The following BCL11A variants were observed in gnomAD, a reference collection of about 807,000 sequenced individuals.
The protein encoded by BCL11A is BCL11 transcription factor A.
In BCL11A, 2 loss-of-function variants were observed where a neutral mutation model predicts 55.9. That is an observed-to-expected ratio of 0.04 (90% CI 0.01 to 0.11). The LOEUF is 0.11. BCL11A is among the 10% of genes least tolerant of loss of function. The pLI, the probability that BCL11A is intolerant of heterozygous loss-of-function variation, is 1.00. For synonymous variants in BCL11A, 465 were observed against 473.4 expected, an observed-to-expected ratio of 0.98 and a Z score of 0.23; for missense variants, 817 against 1,137.1, an observed-to-expected ratio of 0.72 and a Z score of 4.05.
intron 2 of BCL11A, among the ~76,000 whole-genome samples, chr2:60,509,679 G>A (rs191237666): frequency 6.6e-6 from 1 of 152,152 alleles, no homozygotes; most frequent in Non-Finnish European, 1.5e-5. Context: ...AAAAGATTAG[G>A]AGGAGGAGAA....
chr2:60,521,099 A>AC (rs1470013488), intron 2 of BCL11A, among the ~76,000 whole-genome samples: 1 of 76,286 alleles, frequency 1.3e-5, no homozygotes, highest in South Asian at 6.2e-4. Flanking sequence ...ACACACACAC[A>AC]CTCACACACA....
chr2:60,544,000 T>A (rs574784534), intron 2 of BCL11A: 2 of 152,328 alleles, frequency 1.3e-5, no homozygotes, highest in South Asian at 4.1e-4. Flanking sequence ...TTTCCCTACA[T>A]AGATTCACAA....
chr2:60,523,090 A>G (rs1210085140), intron 2 of BCL11A, among the ~76,000 whole-genome samples: 1 of 152,220 alleles, frequency 6.6e-6, no homozygotes, highest in African/African-American at 2.4e-5. Flanking sequence ...CAGGATATAA[A>G]ATAAGTAAGA....
intron 1 of BCL11A, among the ~76,000 whole-genome samples, chr2:60,548,858 TG>T (rs1306009628): frequency 2.0e-5 from 3 of 152,252 alleles, no homozygotes; most frequent in Non-Finnish European, 2.9e-5. Context: ...TCTACTGATT[TG>T]CATTGACATC....
At chr2:60,492,472 T>G (rs968739900) in intron 2 of BCL11A, among the ~76,000 whole-genome samples, 1 of 152,200 alleles carries the variant, frequency 6.6e-6, no homozygotes, top group Admixed American at 6.5e-5. Flanking sequence ...CCTCCCCTTT[T>G]TACTTTTTGA....
chr2:60,546,930 G>A lies in BCL11A; in HGVS notation c.56-630C>T, dbSNP rs138451308. Among the ~76,000 whole-genome samples the A allele has an allele frequency of 1.4e-3, 215 of 152,216 alleles. 1 individual carries two copies. The highest frequency in any genetic ancestry group is 5.0e-3 in the African/African-American group (206 of 41,526). On this transcript the variant is annotated intron_variant, in intron 1 of 3. Coordinates refer to ENST00000642384, the MANE Select transcript of BCL11A (RefSeq NM_022893.4). The surrounding 1 kb of genome is among the most constrained non-coding windows in gnomAD (Gnocchi z 4.1). Reference sequence around the variant, plus strand: ...AAACGACTGCATGCACCTATGAAACGGATCTAAATAATAATCATGTCGCAG... The same window carrying A: ...AAACGACTGCATGCACCTATGAAACAGATCTAAATAATAATCATGTCGCAG...
rs760155455 is a variant in BCL11A, at chr2:60,460,716, C to T, written c.2196G>A (p.Arg732=). 6.2e-7 allele frequency: 1 copy of T among 1,614,178 alleles called. No homozygotes were observed. Among genetic ancestry groups the T allele is most frequent in the East Asian group, 2.2e-5 (1 of 44,880 alleles). ...TPHISGPGPG[R]PSSKEGRRSD... ...TGCGTCTGCCCTCTTTTGAGCTGGG[C>T]CTGCCCGGGCCCGGACCACTAATAT... is the stretch of plus-strand genomic sequence containing the variant. Residue 732 remains arginine, a synonymous_variant, in exon 4 of 4, where the codon AGG becomes AGA. Transcript: ENST00000642384.
chr2:60,505,495 C>A (rs1041946247), intron 2 of BCL11A, among the ~76,000 whole-genome samples: 1 of 152,198 alleles, frequency 6.6e-6, no homozygotes, highest in Non-Finnish European at 1.5e-5. Flanking sequence ...AGGGAACAAG[C>A]GGGTGCTTTC....
At chr2:60,493,346 G>A (rs1027131645) in intron 2 of BCL11A, among the ~76,000 whole-genome samples, 4 of 152,054 alleles carry the variant, frequency 2.6e-5, no homozygotes, top group African/African-American at 7.3e-5. Flanking sequence ...AAGGCATTTC[G>A]AGAACACAGA....
rs200007397 is a variant in BCL11A at position 60,538,737 on chromosome 2, CTCTGTGTGTG to C, written c.385+7224_385+7233del. The stretch of plus-strand genomic sequence containing the variant: ...ACTGAATGTCTCTCTCTCTCTCTCT[CTCTGTGTGTG>C]TGTGTGTGTGTGTGTGTGTGTGTGT... On this transcript the variant is annotated intron_variant, in intron 2 of 3. Coordinates refer to ENST00000642384, the MANE Select transcript of BCL11A (RefSeq NM_022893.4). Among the ~76,000 whole-genome samples the C allele has an allele frequency of 9.1e-3, 1,075 of 118,722 alleles. 7 individuals are homozygous for C. The highest frequency in any genetic ancestry group is 0.014 in the East Asian group (58 of 4,202). 77.9% of individuals were successfully genotyped at this position (118,722 alleles called of 152,430 possible).
chr2:60,512,328 G>A (rs1680030818), intron 2 of BCL11A, among the ~76,000 whole-genome samples: 3 of 152,206 alleles, frequency 2.0e-5, no homozygotes, highest in Admixed American at 6.5e-5. Flanking sequence ...GCTGTGCTAG[G>A]TAACTGGGTG....
Position 60,546,409 on chromosome 2 carries a change from TA to T in BCL11A, c.56-110del. 1 of 915,152 alleles carries T rather than the reference TA, an allele frequency of 1.1e-6. No individual in the cohort carries two copies. The highest frequency in any genetic ancestry group is 1.7e-6 in the Non-Finnish European group (1 of 605,180). 56.7% of individuals were successfully genotyped at this position (915,152 alleles called of 1,614,324 possible). A position where few individuals can be genotyped will look rare whatever the true frequency, so the allele number is the denominator to read the frequency against. ...CCCACCACATCATGTAAAGTGTTTC[TA>T]GGCTTCTCTATATAATACCCAGAAA... On this transcript the variant is annotated intron_variant, in intron 1 of 3. Transcript: ENST00000642384. This position sits in a 1 kb window ranked among gnomAD's most constrained non-coding sequence, Gnocchi z 4.1.
chr2:60,537,393 G>A (rs974078987), intron 2 of BCL11A: 2 of 152,224 alleles, frequency 1.3e-5, no homozygotes, highest in Admixed American at 1.3e-4. Flanking sequence ...CGGGGCAGGG[G>A]AGTTAAAATG....
At chr2:60,493,714 C>T (rs1395300773) in intron 2 of BCL11A, among the ~76,000 whole-genome samples, 4 of 152,184 alleles carry the variant, frequency 2.6e-5, no homozygotes, top group African/African-American at 9.7e-5. Context: ...AAGGAGATGA[C>T]TTCTACCTTG....
intron 2 of BCL11A, among the ~76,000 whole-genome samples, chr2:60,477,624 G>GAAAGAAAGAAAGAAAT: frequency 6.6e-6 from 1 of 152,136 alleles, no homozygotes; most frequent in South Asian, 2.1e-4. Context: ...AAGAAAGAAA[G>GAAAGAAAGAAAGAAAT]AAATAATCAA....
intron 2 of BCL11A, among the ~76,000 whole-genome samples, chr2:60,490,259 C>T (rs1046715500): frequency 2.0e-5 from 3 of 152,144 alleles, no homozygotes; most frequent in African/African-American, 7.2e-5. Context: ...TCATCCACCC[C>T]CTTTGCAGAG....
intron 1 of BCL11A, among the ~76,000 whole-genome samples, chr2:60,550,375 G>A (rs1670353945): frequency 1.3e-5 from 2 of 152,212 alleles, no homozygotes; most frequent in African/African-American, 2.4e-5. Context: ...GGGAGAGAAA[G>A]GGAATTCTGC....
In BCL11A at chr2:60,461,320, C is replaced by T. The variant is rs763123036; in HGVS notation, c.1592G>A (p.Gly531Asp). Residue 531 changes from glycine to aspartate, a missense_variant, in exon 4 of 4, where the codon GGC becomes GAC. By Grantham distance (94) the Gly-to-Asp change is moderately conservative. This residue lies in a region of BCL11A where 379 missense variants were observed against 425.3 expected (regional missense o/e 0.89). Transcript: ENST00000642384. ...AARHHENSSR[G>D]AVVGVGDESR... ...CTCGTCGCCCACGCCCACGACCGCG[C>T]CCCGCGAGCTGTTCTCGTGGTGGCG... 3.1e-6 allele frequency: 5 copies of T among 1,599,716 alleles called. No individual in the cohort carries two copies. In the East Asian group the frequency reaches 1.1e-4, roughly 36 times the overall value.
At chr2:60,520,745 G>GGAAT (rs1668943760) in intron 2 of BCL11A, among the ~76,000 whole-genome samples, 1 of 125,300 alleles carries the variant, frequency 8.0e-6, no homozygotes, top group African/African-American at 3.1e-5. Context: ...GGTCGCCTAC[G>GGAAT]GAATCTACAG....
Sources: allele counts gnomAD v4.1 joint callset (sites outside exome capture counted in the v4.1 genomes callset), GRCh38; gene constraint gnomAD v4.1.1; regional missense constraint gnomAD v4.1.1; non-coding constraint Gnocchi (gnomAD v3.1); transcripts MANE v1.5; gene names NCBI Gene and HGNC (gene_info 2026-07-23, HGNC 2026-07-21).